The following KCNH1 variants were observed in gnomAD, a reference collection of about 807,000 sequenced individuals.
KCNH1 encodes potassium voltage-gated channel subfamily H member 1.
Under a neutral mutation model 69.2 loss-of-function variants are expected in KCNH1, and 27 were observed. The observed-to-expected ratio is 0.39, with a 90% CI of 0.29 to 0.54. KCNH1 has a LOEUF of 0.54. KCNH1 is among the 20% of genes least tolerant of loss of function. KCNH1 has a pLI of 0.68. For synonymous variants in KCNH1, 456 were observed against 487.7 expected, an observed-to-expected ratio of 0.93 and a Z score of 0.86; for missense variants, 798 against 1,261.6, an observed-to-expected ratio of 0.63 and a Z score of 5.57.
intron 10 of KCNH1, among the ~76,000 whole-genome samples, chr1:210,769,468 C>T (rs1055042911): frequency 1.3e-5 from 2 of 152,154 alleles, no homozygotes; most frequent in Non-Finnish European, 2.9e-5. Context: ...GTCCCAGCTC[C>T]CTCCCAAACT....
At chr1:210,976,482 G>A (rs1688612867) in intron 6 of KCNH1, among the ~76,000 whole-genome samples, 1 of 146,496 alleles carries the variant, frequency 6.8e-6, no homozygotes, top group Non-Finnish European at 1.5e-5. Context: ...TGGAGAAATA[G>A]GAACACTTTT....
intron 9 of KCNH1, among the ~76,000 whole-genome samples, chr1:210,787,342 A>T (rs1279136327): frequency 2.6e-5 from 4 of 152,162 alleles, no homozygotes; most frequent in Admixed American, 2.6e-4. Context: ...CCGCTGGATT[A>T]GATGCCTGTC....
intron 10 of KCNH1, among the ~76,000 whole-genome samples, chr1:210,701,252 G>A (rs945983195): frequency 3.3e-5 from 5 of 152,142 alleles, no homozygotes; most frequent in Admixed American, 3.3e-4. Flanking sequence ...TATTTTTTTG[G>A]TAGGAGACAG....
At chr1:210,769,637 C>T (rs554147597) in intron 10 of KCNH1, among the ~76,000 whole-genome samples, 3 of 152,340 alleles carry the variant, frequency 2.0e-5, no homozygotes, top group Admixed American at 2.0e-4. Context: ...ACCTACGTGC[C>T]AATTATCCCA....
At chr1:210,864,456 C>G (rs4245749) in intron 7 of KCNH1, among the ~76,000 whole-genome samples, 101,373 of 152,078 alleles carry the variant, frequency 0.67, 34,745 homozygotes, top group African/African-American at 0.82. Flanking sequence ...AGCGAGAAAA[C>G]AAAGGAGGAG....
chr1:210,866,630 T>C (rs1686116482), intron 7 of KCNH1, among the ~76,000 whole-genome samples: 1 of 152,106 alleles, frequency 6.6e-6, no homozygotes, highest in Non-Finnish European at 1.5e-5. Context: ...TGTAGAGACA[T>C]TAGAACACTG....
At chr1:211,081,839 G>A (rs961795395) in intron 5 of KCNH1, among the ~76,000 whole-genome samples, 12 of 152,086 alleles carry the variant, frequency 7.9e-5, no homozygotes, top group African/African-American at 2.9e-4. Context: ...ACGGGGGAGG[G>A]ATAGCGTTAG....
At chr1:210,892,125 A>G (rs1408420912) in intron 7 of KCNH1, among the ~76,000 whole-genome samples, 1 of 151,798 alleles carries the variant, frequency 6.6e-6, no homozygotes, top group Non-Finnish European at 1.5e-5. Context: ...TCACAGGTTG[A>G]TGGGTACATC....
intron 7 of KCNH1, among the ~76,000 whole-genome samples, chr1:210,915,917 A>T (rs539821275): frequency 6.6e-6 from 1 of 152,242 alleles, no homozygotes; most frequent in Admixed American, 6.5e-5. Flanking sequence ...TATAAAATTC[A>T]ATGCAAAGAG....
At chr1:211,115,933 G>A (rs941088546) in intron 1 of KCNH1, among the ~76,000 whole-genome samples, 2 of 151,952 alleles carry the variant, frequency 1.3e-5, no homozygotes, top group African/African-American at 4.8e-5. Flanking sequence ...TCAGGAGTTT[G>A]AGACCAGCCT....
chr1:211,025,893 C>G (rs1259664099), intron 5 of KCNH1, among the ~76,000 whole-genome samples: 2 of 152,128 alleles, frequency 1.3e-5, no homozygotes, highest in Non-Finnish European at 2.9e-5. Context: ...GTGCTTAATG[C>G]AATGCCCCCT....
intron 6 of KCNH1, among the ~76,000 whole-genome samples, chr1:210,941,210 AAC>A (rs1308363019): frequency 6.6e-6 from 1 of 152,212 alleles, no homozygotes; most frequent in Non-Finnish European, 1.5e-5. Context: ...GCAAAGGGAA[AAC>A]ACAGGTAATT....
At chr1:211,009,609 T>C (rs1357177521) in intron 6 of KCNH1, among the ~76,000 whole-genome samples, 1 of 151,132 alleles carries the variant, frequency 6.6e-6, no homozygotes, top group East Asian at 1.9e-4. Flanking sequence ...TCTTTTCTTT[T>C]TTTTTTTCTT....
chr1:210,897,668 T>C (rs556226491), intron 7 of KCNH1, among the ~76,000 whole-genome samples: 6 of 152,220 alleles, frequency 3.9e-5, no homozygotes, highest in Non-Finnish European at 8.8e-5. Flanking sequence ...TTCTCTCCCC[T>C]GCTCCAAGAA....
intron 7 of KCNH1, among the ~76,000 whole-genome samples, chr1:210,917,504 A>G (rs1046670037): frequency 6.6e-6 from 1 of 151,980 alleles, no homozygotes; most frequent in African/African-American, 2.4e-5. Flanking sequence ...AAACAAAAAA[A>G]CCCCCAACTA....
At chr1:210,924,965 C>A (rs1687538175) in intron 6 of KCNH1, among the ~76,000 whole-genome samples, 1 of 151,872 alleles carries the variant, frequency 6.6e-6, no homozygotes, top group Non-Finnish European at 1.5e-5. Context: ...GCCAAAGTAC[C>A]CTACCCAACT....
At chr1:210,990,706 G>T (rs566170979) in intron 6 of KCNH1, among the ~76,000 whole-genome samples, 4 of 152,172 alleles carry the variant, frequency 2.6e-5, no homozygotes, top group South Asian at 2.1e-4. Flanking sequence ...TTGCACAATT[G>T]TGAGGATTTA....
intron 7 of KCNH1, among the ~76,000 whole-genome samples, chr1:210,822,273 G>A (rs1276541032): frequency 6.6e-6 from 1 of 152,084 alleles, no homozygotes; most frequent in Non-Finnish European, 1.5e-5. Flanking sequence ...TCAAGCAAAA[G>A]CAACTGATTC....
intron 1 of KCNH1, among the ~76,000 whole-genome samples, chr1:211,124,079 G>A (rs1054321851): frequency 3.3e-5 from 5 of 152,100 alleles, no homozygotes; most frequent in African/African-American, 7.2e-5. Flanking sequence ...TAGAATTTAG[G>A]AGCTCTTTTT....
Sources: gnomAD v4.1 joint callset for allele counts (sites outside exome capture counted in the v4.1 genomes callset) on GRCh38, gnomAD v4.1.1 for gene constraint, MANE v1.5 for transcripts, NCBI Gene and HGNC (gene_info 2026-07-23, HGNC 2026-07-21) for gene names.